The following CFAP100 variants were observed in gnomAD, a reference collection of about 807,000 sequenced individuals.
CFAP100 encodes the protein cilia and flagella associated protein 100.
Under a neutral mutation model 81.5 loss-of-function variants are expected in CFAP100, and 70 were observed. The observed-to-expected ratio is 0.86, with a 90% CI of 0.71 to 1.05. The LOEUF is 1.05. Ranked by LOEUF, CFAP100 falls within the 50% of genes least tolerant of loss-of-function variation. CFAP100 has a pLI of 0.00. For missense variants in CFAP100, 811 were observed against 776.5 expected (o/e 1.04, Z -0.53); for synonymous variants, 341 against 314.8 (o/e 1.08, Z -0.88).
chr3:126,424,051 G>T (rs1353390162), intron 13 of CFAP100, among the ~76,000 whole-genome samples: 1 of 152,260 alleles, frequency 6.6e-6, no homozygotes, highest in African/African-American at 2.4e-5. Flanking sequence ...TGCTCAGAAG[G>T]GCCTGGAAGC....
chr3:126,400,245 G>T (rs1189931868), intron 2 of CFAP100, among the ~76,000 whole-genome samples: 1 of 152,090 alleles, frequency 6.6e-6, no homozygotes, highest in East Asian at 1.9e-4. Context: ...AAGACGATAT[G>T]CAAATGATCT....
At chr3:126,418,966 C>A in intron 7 of CFAP100, 110 bp from the exon 8 acceptor site, 1 of 985,182 alleles carries the variant, frequency 1.0e-6, no homozygotes, top group Admixed American at 2.7e-5. Context: ...CCAGCCCTGT[C>A]CGGAGCCGGG....
intron 5 of CFAP100, among the ~76,000 whole-genome samples, chr3:126,417,856 A>G (rs547926688): frequency 6.6e-6 from 1 of 152,232 alleles, no homozygotes; most frequent in South Asian, 2.1e-4. Flanking sequence ...ACAGCTCCCA[A>G]ATCAGAGACA....
chr3:126,422,332 T>A lies in CFAP100; in HGVS notation c.1083-993T>A, dbSNP rs74957000. Among the ~76,000 whole-genome samples the A allele has an allele frequency of 6.7e-3, 1,024 of 152,304 alleles. 11 individuals are homozygous for A. Among genetic ancestry groups the A allele is most frequent in the African/African-American group, 0.023 (953 of 41,572 alleles). On this transcript the variant is annotated intron_variant, in intron 11 of 16. Transcript: ENST00000352312. ...TGAGGCGTGGGTCTGGCGAGTGCTG[T>A]AGTTGTTATCACAGCCTCTCCTGGG... is the stretch of plus-strand genomic sequence containing the variant.
At chr3:126,398,301 G>A (rs1416152666) in intron 2 of CFAP100, among the ~76,000 whole-genome samples, 2 of 152,218 alleles carry the variant, frequency 1.3e-5, no homozygotes, top group Non-Finnish European at 2.9e-5. Context: ...GACTTGTCAG[G>A]AGAGGGCCTG....
Position 126,411,361 on chromosome 3 carries a change from G to GTTTTTTTTTTTTTTTTTTTTTTTTTTTT in CFAP100, c.131-2698_131-2697insTTTTTTTTTTTTTTTTTTTTTTTTTTTT, listed in dbSNP as rs58954079. The stretch of plus-strand genomic sequence containing the variant: ...TCTGTAGTTTTTTTTGTTGTTGTTG[G>GTTTTTTTTTTTTTTTTTTTTTTTTTTTT]TTTTTTTTTTTTTTTTTTTTTTTTT... On this transcript the variant is annotated intron_variant, in intron 3 of 16. Coordinates refer to ENST00000352312, the MANE Select transcript of CFAP100 (RefSeq NM_182628.3). Among the ~76,000 whole-genome samples the GTTTTTTTTTTTTTTTTTTTTTTTTTTTT allele has an allele frequency of 2.5e-4, 9 of 35,386 alleles. 1 individual carries two copies. The highest frequency in any genetic ancestry group is 2.8e-4 in the Non-Finnish European group (6 of 21,540). The allele number at this position is 35,386 out of a possible 152,430, so 23.2% of individuals were successfully genotyped here.
Position 126,426,241 on chromosome 3 carries a change from T to C in CFAP100, c.1286+2597T>C, listed in dbSNP as rs2083401950. 2.0e-5 allele frequency among the ~76,000 whole-genome samples: 3 copies of C among 150,808 alleles called. No individual in the cohort carries two copies. The South Asian group carries it at 6.3e-4, about 32-fold the overall frequency. ...ACTTTGGCAGGCCAAGGCAGGAAGA[T>C]CACTTGAGGCCAAGAGATCGAGACC... On this transcript the variant is annotated intron_variant, in intron 13 of 16. Coordinates refer to ENST00000352312, the MANE Select transcript of CFAP100 (RefSeq NM_182628.3).
chr3:126,395,960 AGAG>A lies in CFAP100; in HGVS notation c.-37_-35del. 4.5e-6 allele frequency: 7 copies of A among 1,566,942 alleles called. No individual in the cohort carries two copies. Among genetic ancestry groups the A allele is most frequent in the African/African-American group, 1.3e-5 (1 of 74,092 alleles). On this transcript the variant is annotated 5_prime_UTR_variant, in exon 2 of 17. Transcript: ENST00000352312. ...TCCTCAGGTGAGGATCTCCTTTAGA[AGAG>A]GAGAAGCCTTGCATCAACCTCTTGG...
chr3:126,433,167 G>C lies in CFAP100; in HGVS notation c.1385G>C (p.Arg462Pro), dbSNP rs767440483. The C allele has an allele frequency of 3.1e-6, 5 of 1,614,096 alleles. No homozygotes were observed. In the African/African-American group the frequency reaches 6.7e-5, roughly 22 times the overall value. ...DTAAELELKA[R>P]VFHFGEYKGD... ...GCAGCTGAGCTGGAGCTCAAAGCCC[G>C]AGTCTTCCACTTCGGCGAGTACAAG... is the stretch of plus-strand genomic sequence containing the variant. Residue 462 changes from arginine to proline, a missense_variant, in exon 14 of 17, where the codon CGA (arginine) becomes CCA (proline). Transcript: ENST00000352312.
intron 13 of CFAP100, among the ~76,000 whole-genome samples, chr3:126,425,018 C>A (rs2083387201): frequency 6.6e-6 from 1 of 152,226 alleles, no homozygotes; most frequent in Non-Finnish European, 1.5e-5. Context: ...CAAAGAGTCC[C>A]CATAATGACC....
Position 126,418,661 on chromosome 3 carries a change from G to A in CFAP100, c.537G>A (p.Ala179=), listed in dbSNP as rs534051821. ...RREIQRLETL[A]TKEEARLERA... The stretch of plus-strand genomic sequence containing the variant: ...AGATCCAGCGGCTGGAGACGCTGGC[G>A]ACCAAAGAGGAGGCCAGGCTGGAGC... Residue 179 remains alanine, a synonymous_variant, in exon 7 of 17, where the codon GCG becomes GCA. Transcript: ENST00000352312. 6.3e-6 allele frequency: 10 copies of A among 1,583,118 alleles called. No individual in the cohort carries two copies. The East Asian group carries it at 9.2e-5, about 15-fold the overall frequency.
chr3:126,411,808 G>T (rs2083160902), intron 3 of CFAP100, among the ~76,000 whole-genome samples: 1 of 152,056 alleles, frequency 6.6e-6, no homozygotes, highest in Non-Finnish European at 1.5e-5. Context: ...TCTTCTCTTG[G>T]TTAATCTTGT....
chr3:126,422,485 G>A (rs1311223677), intron 11 of CFAP100, among the ~76,000 whole-genome samples: 9 of 130,484 alleles, frequency 6.9e-5, no homozygotes, highest in Admixed American at 3.8e-4. Flanking sequence ...GCAAGCCAGC[G>A]CAGCCCCCCC....
chr3:126,404,758 T>C (rs947205140), intron 2 of CFAP100, among the ~76,000 whole-genome samples: 2 of 152,172 alleles, frequency 1.3e-5, no homozygotes, highest in Non-Finnish European at 2.9e-5. Context: ...CACTGCAACC[T>C]CCACCTCCTG....
chr3:126,430,879 T>C (rs570157373), intron 13 of CFAP100, among the ~76,000 whole-genome samples: 9 of 152,294 alleles, frequency 5.9e-5, no homozygotes, highest in African/African-American at 2.2e-4. Context: ...GACAATTATT[T>C]TGAATTCTTT....
rs755444927 is a variant in CFAP100 at position 126,419,135 on chromosome 3, C to G, written c.710C>G (p.Thr237Ser). Residue 237 changes from threonine (T) to serine (S), a missense_variant, in exon 8 of 17, where the codon ACC becomes AGC. By Grantham distance (58) the Thr-to-Ser change is moderately conservative. Coordinates refer to ENST00000352312, the MANE Select transcript of CFAP100 (RefSeq NM_182628.3). Reference sequence around the variant, plus strand: ...ATCCTTGAGATCCGGGACCTCACCACCCAGATTGTTAATATCAAAAGGTGA... The same window carrying G: ...ATCCTTGAGATCCGGGACCTCACCAGCCAGATTGTTAATATCAAAAGGTGA... ...EKILEIRDLTTQIVNIKSEIS... is the reference protein window; with the variant it reads ...EKILEIRDLTSQIVNIKSEIS... 6.3e-7 allele frequency: 1 copy of G among 1,585,130 alleles called. No homozygotes were observed. Among genetic ancestry groups the G allele is most frequent in the Non-Finnish European group, 8.6e-7 (1 of 1,164,308 alleles).
intron 3 of CFAP100, among the ~76,000 whole-genome samples, chr3:126,407,681 C>G (rs2083088833): frequency 6.6e-6 from 1 of 152,248 alleles, no homozygotes; most frequent in African/African-American, 2.4e-5. Context: ...CTTCAGCCAA[C>G]TTAGCCTTCT....
chr3:126,416,252 C>G (rs564888110), intron 4 of CFAP100, 64 bp from the exon 5 acceptor site: 1 of 1,443,218 alleles, frequency 6.9e-7, no homozygotes, highest in Non-Finnish European at 9.4e-7. Context: ...TGGGGAACCG[C>G]GCGGGGAGGC....
chr3:126,404,727 T>C (rs529854037), intron 2 of CFAP100, among the ~76,000 whole-genome samples: 54 of 152,154 alleles, frequency 3.5e-4, no homozygotes, highest in African/African-American at 1.3e-3. Flanking sequence ...CAGGCTGGAG[T>C]GCAGTGACAC....
Sources: gnomAD v4.1 joint callset for allele counts (sites outside exome capture counted in the v4.1 genomes callset) on GRCh38, gnomAD v4.1.1 for gene constraint, MANE v1.5 for transcripts, NCBI Gene and HGNC (gene_info 2026-07-23, HGNC 2026-07-21) for gene names.